ORC3: variants seen among roughly 807,000 people sequenced by gnomAD.
The protein encoded by ORC3 is homolog of latheo, Drosophila.
A neutral mutation model predicts 100.7 loss-of-function variants in ORC3; 78 were observed. The observed-to-expected ratio is 0.77, with a 90% CI of 0.65 to 0.94. The LOEUF (loss-of-function observed/expected upper bound fraction) is 0.94. ORC3 is among the 40% of genes least tolerant of loss of function. The pLI is 0.00. For synonymous variants in ORC3, 295 were observed against 289.3 expected (o/e 1.02, Z -0.20); for missense variants, 789 against 823.9 (o/e 0.96, Z 0.52).
intron 13 of ORC3, among the ~76,000 whole-genome samples, chr6:87,641,134 A>G (rs986194632): frequency 4.6e-5 from 7 of 152,100 alleles, no homozygotes; most frequent in South Asian, 2.1e-4. Context: ...CAGAGCCTCA[A>G]CTTAAAGGAG....
intron 13 of ORC3, among the ~76,000 whole-genome samples, chr6:87,645,283 A>G (rs1330995149): frequency 6.6e-6 from 1 of 151,968 alleles, no homozygotes; most frequent in Non-Finnish European, 1.5e-5. Context: ...GTGCTGAGGA[A>G]CCAGTAGACT....
chr6:87,626,559 GC>G (rs1390407219), intron 11 of ORC3, among the ~76,000 whole-genome samples: 1 of 152,178 alleles, frequency 6.6e-6, no homozygotes, highest in Non-Finnish European at 1.5e-5. Context: ...GCCAAGGCAG[GC>G]AGATCACTTG....
chr6:87,645,989 T>G (rs1039152951), intron 13 of ORC3, among the ~76,000 whole-genome samples: 1 of 145,164 alleles, frequency 6.9e-6, no homozygotes, highest in Non-Finnish European at 1.5e-5. Flanking sequence ...TTTTTCTTTT[T>G]TTTTTCTTTT....
intron 4 of ORC3, among the ~76,000 whole-genome samples, chr6:87,605,649 C>CA (rs936455645): frequency 0.023 from 2,684 of 115,084 alleles, 27 homozygotes; most frequent in African/African-American, 0.043. Context: ...GATTCTGTCT[C>CA]AAAAAAAAAA....
chr6:87,594,585 A>G (rs1192450480), intron 2 of ORC3, 178 bp downstream of exon 2: 2 of 1,257,470 alleles, frequency 1.6e-6, no homozygotes, highest in Non-Finnish European at 2.0e-6. Flanking sequence ...GCTCTAATTG[A>G]AAAGAGAATC....
chr6:87,649,181 T>A (rs1769044942), intron 13 of ORC3, among the ~76,000 whole-genome samples: 1 of 152,236 alleles, frequency 6.6e-6, no homozygotes, highest in Non-Finnish European at 1.5e-5. Flanking sequence ...CCTGTTTTTT[T>A]AAAATAGTTA....
At chr6:87,646,986 T>C (rs1400778249) in intron 13 of ORC3, among the ~76,000 whole-genome samples, 1 of 152,220 alleles carries the variant, frequency 6.6e-6, no homozygotes, top group Non-Finnish European at 1.5e-5. Flanking sequence ...GCCTTCATAA[T>C]TTATCCAGAA....
intron 2 of ORC3, among the ~76,000 whole-genome samples, chr6:87,596,955 A>G (rs1777491388): frequency 6.6e-6 from 1 of 152,204 alleles, no homozygotes; most frequent in Non-Finnish European, 1.5e-5. Context: ...ACATAACTAT[A>G]GTACAGTGTC....
At chr6:87,643,224 G>A (rs1768417009) in intron 13 of ORC3, among the ~76,000 whole-genome samples, 1 of 152,142 alleles carries the variant, frequency 6.6e-6, no homozygotes, top group African/African-American at 2.4e-5. Flanking sequence ...TTGGGAGGCG[G>A]GCTGATCAGG....
At chr6:87,631,659 AT>A (rs1767431980) in intron 11 of ORC3, among the ~76,000 whole-genome samples, 1 of 151,702 alleles carries the variant, frequency 6.6e-6, no homozygotes, top group Non-Finnish European at 1.5e-5. Context: ...CACCCAGCTA[AT>A]TTTTGTATTT....
intron 11 of ORC3, among the ~76,000 whole-genome samples, chr6:87,634,252 A>G (rs1286343489): frequency 6.6e-6 from 1 of 150,798 alleles, no homozygotes; most frequent in East Asian, 1.9e-4. Context: ...TTTTTTTCTT[A>G]ATTGGTGAAG....
At chr6:87,665,537 T>C (rs903141973) in intron 18 of ORC3, among the ~76,000 whole-genome samples, 34 of 152,212 alleles carry the variant, frequency 2.2e-4, no homozygotes, top group Admixed American at 2.0e-4. Flanking sequence ...TTTCTCTGCA[T>C]ACTCTTAGTT....
At chr6:87,660,959 G>A (rs1263369473) in intron 16 of ORC3, among the ~76,000 whole-genome samples, 1 of 152,212 alleles carries the variant, frequency 6.6e-6, no homozygotes, top group Non-Finnish European at 1.5e-5. Context: ...ACAAAATTAA[G>A]GCAGATATTT....
chr6:87,632,322 A>G (rs1767489029), intron 11 of ORC3, among the ~76,000 whole-genome samples: 1 of 152,262 alleles, frequency 6.6e-6, no homozygotes, highest in African/African-American at 2.4e-5. Context: ...ACACATATAA[A>G]TAACAATGAA....
chr6:87,626,512 G>A (rs1779908914), intron 11 of ORC3, among the ~76,000 whole-genome samples: 2 of 152,204 alleles, frequency 1.3e-5, no homozygotes, highest in African/African-American at 4.8e-5. Context: ...TAGGCTGGGT[G>A]TGGTGGCCCA....
chr6:87,669,347 A>G (rs529285915), downstream of ORC3, among the ~76,000 whole-genome samples: 4 of 152,398 alleles, frequency 2.6e-5, no homozygotes, highest in Admixed American at 6.5e-5. Context: ...TAGATTAGGT[A>G]TCTTTTCATC....
At chr6:87,611,403 CA>C (rs1778756856) in intron 7 of ORC3, among the ~76,000 whole-genome samples, 1 of 152,062 alleles carries the variant, frequency 6.6e-6, no homozygotes, top group Non-Finnish European at 1.5e-5. Context: ...CCTTAGCCAT[CA>C]AAAGTGAGGA....
intron 13 of ORC3, chr6:87,651,270 G>A (rs1322174623): frequency 2.2e-6 from 1 of 456,278 alleles, no homozygotes; most frequent in Non-Finnish European, 4.4e-6. Flanking sequence ...TTCACATGCT[G>A]CTAACTTGGG....
intron 13 of ORC3, among the ~76,000 whole-genome samples, chr6:87,648,146 A>T (rs1186854129): frequency 6.6e-6 from 1 of 152,208 alleles, no homozygotes; most frequent in Non-Finnish European, 1.5e-5. Flanking sequence ...GGTTGTAGTG[A>T]GCAGAGACTG....
Sources: allele counts gnomAD v4.1 joint callset (sites outside exome capture counted in the v4.1 genomes callset), GRCh38; gene constraint gnomAD v4.1.1; transcripts MANE v1.5; gene names NCBI Gene and HGNC (gene_info 2026-07-23, HGNC 2026-07-21).